Variants in LGALS8 observed in about 807,000 individuals in gnomAD.
LGALS8 encodes galectin 8, also known as galectin-8.
A neutral mutation model predicts 35.9 loss-of-function variants in LGALS8; 30 were observed. That is an observed-to-expected ratio of 0.83 (90% CI 0.62 to 1.13). The LOEUF is 1.13. Among genes scored for constraint, LGALS8 ranks in the 50% most tolerant of loss-of-function variants. LGALS8 has a pLI of 0.00. For synonymous variants in LGALS8, 138 were observed against 136.1 expected (o/e 1.01, Z -0.10); for missense variants, 366 against 388.7 (o/e 0.94, Z 0.49).
rs2243525 is a variant in LGALS8 at position 236,543,562 on chromosome 1, G to C, written c.552G>C (p.Arg184Ser). 1,194,925 of 1,610,878 alleles carry C rather than the reference G, an allele frequency of 0.74. 445,707 individuals carry two copies. The highest frequency in any genetic ancestry group is 0.78 in the Admixed American group (46,676 of 59,980). ...TCCTGACTGTGGCTTCTTTTCAGAG[G>C]CTGCCATTCGCTGCAAGGTTGAACA... ...NVPKSGTPQL[R>S]LPFAARLNTP... Residue 184 changes from arginine (R) to serine (S), a missense_variant and splice_region_variant, in exon 8 of 10, where the codon AGG (arginine) becomes AGC (serine). Transcript: ENST00000366584.
At chr1:236,530,545 A>G (rs1661088723) in intron 2 of LGALS8, among the ~76,000 whole-genome samples, 1 of 152,018 alleles carries the variant, frequency 6.6e-6, no homozygotes, top group African/African-American at 2.4e-5. Flanking sequence ...ATCCAGTTCC[A>G]ACCTTTCACC....
intron 1 of LGALS8, chr1:236,524,365 G>A (rs1445742804): frequency 2.2e-6 from 1 of 456,660 alleles, no homozygotes; most frequent in Non-Finnish European, 4.4e-6. Context: ...GTGTCTCCTC[G>A]CTGCAAACCC....
At chr1:236,519,340 ATTATTG>A (rs1304848270), upstream of LGALS8, among the ~76,000 whole-genome samples, 1 of 151,828 alleles carries the variant, frequency 6.6e-6, no homozygotes, top group African/African-American at 2.4e-5. Context: ...GCAGTGAGCC[ATTATTG>A]TACCACAACA....
At position 236,549,134 on chromosome 1, in the gene LGALS8, A is replaced by C. The variant is rs1427825742; in HGVS notation, c.*973A>C. The C allele has an allele frequency of 3.0e-5, 12 of 396,830 alleles. No individual in the cohort carries two copies. The East Asian group carries it at 4.3e-4, about 14-fold the overall frequency. The allele number at this position is 396,830 out of a possible 1,614,324, so 24.6% of individuals were successfully genotyped here. A position where few individuals can be genotyped will look rare whatever the true frequency, so the allele number is the denominator to read the frequency against. ...ACAAAGCAGGCAGAGGTAATGCAGA[A>C]ATCTGTTTTGTTCCCATGAAATCAC... is the stretch of plus-strand genomic sequence containing the variant. On this transcript the variant is annotated 3_prime_UTR_variant, in exon 10 of 10. Coordinates refer to ENST00000366584, the MANE Select transcript of LGALS8 (RefSeq NM_201544.4).
At chr1:236,528,509 C>T (rs1346800587) in intron 2 of LGALS8, among the ~76,000 whole-genome samples, 2 of 149,856 alleles carry the variant, frequency 1.3e-5, no homozygotes, top group African/African-American at 4.9e-5. Flanking sequence ...TATAAACACA[C>T]CGCCACTTTT....
intron 2 of LGALS8, among the ~76,000 whole-genome samples, chr1:236,534,996 G>A (rs950320315): frequency 4.7e-5 from 7 of 147,956 alleles, no homozygotes; most frequent in African/African-American, 1.8e-4. Flanking sequence ...GGGAGGCAGA[G>A]GTTGCAGTGA....
intron 2 of LGALS8, among the ~76,000 whole-genome samples, chr1:236,527,033 G>A (rs772052475): frequency 5.3e-5 from 8 of 152,148 alleles, no homozygotes; most frequent in Admixed American, 6.5e-5. Flanking sequence ...TTCCTGAAGC[G>A]GAAGCTTGTG....
chr1:236,534,577 C>G (rs1178164816), intron 2 of LGALS8, among the ~76,000 whole-genome samples: 1 of 151,042 alleles, frequency 6.6e-6, no homozygotes, highest in East Asian at 1.9e-4. Context: ...TTAAATGAGT[C>G]AGCGGCAGGG....
chr1:236,545,550 C>CT (rs1662311391), intron 9 of LGALS8, among the ~76,000 whole-genome samples: 1 of 152,328 alleles, frequency 6.6e-6, no homozygotes, highest in East Asian at 1.9e-4. Context: ...CACACAGTCA[C>CT]TTAGGGTCAT....
At position 236,543,773 on chromosome 1, in the gene LGALS8, T is replaced by C. The variant is rs1662179842; in HGVS notation, c.638+125T>C. On this transcript the variant is annotated intron_variant, in intron 8 of 9. Transcript: ENST00000366584. ...CAGAATCTTCATTTCCAAAGTGAGA[T>C]GATTCAAGCAGGAGGTGGTTAGATT... The C allele has an allele frequency of 8.3e-6, 6 of 719,714 alleles. 1 individual carries two copies. In the South Asian group the frequency reaches 9.3e-5, roughly 11 times the overall value. The allele number at this position is 719,714 out of a possible 1,614,324, so 44.6% of individuals were successfully genotyped here.
In LGALS8 at chr1:236,550,945, T is replaced by A; in HGVS notation, c.*2784T>A. 6.2e-7 allele frequency: 1 copy of A among 1,610,202 alleles called. No homozygotes were observed. Among genetic ancestry groups the A allele is most frequent in the East Asian group, 2.2e-5 (1 of 44,820 alleles). On this transcript the variant is annotated 3_prime_UTR_variant, in exon 10 of 10. Coordinates refer to ENST00000366584, the MANE Select transcript of LGALS8 (RefSeq NM_201544.4). ...TGGCTCTCCCAGGACAGTTTCCAGTTGCTGAATAGTCTTTTGGCACTGATG... is the reference window on the plus strand; with the variant it reads ...TGGCTCTCCCAGGACAGTTTCCAGTAGCTGAATAGTCTTTTGGCACTGATG...
At position 236,539,187 on chromosome 1, in the gene LGALS8, C is replaced by T. The variant is rs547862090; in HGVS notation, c.345+98C>T. Reference sequence around the variant, plus strand: ...TGAGCCCAGCCTTATATTTCCTACACCTGAGATATAGTTTGTTTGGCTTTG... The same window carrying T: ...TGAGCCCAGCCTTATATTTCCTACATCTGAGATATAGTTTGTTTGGCTTTG... On this transcript the variant is annotated intron_variant, in intron 4 of 9. Transcript: ENST00000366584. 2.0e-5 allele frequency: 19 copies of T among 951,008 alleles called. No individual in the cohort carries two copies. In the African/African-American group the frequency reaches 3.5e-4, roughly 18 times the overall value. The allele number at this position is 951,008 out of a possible 1,614,324, so 58.9% of individuals were successfully genotyped here.
intron 6 of LGALS8, 129 bp from the exon 7 acceptor site, chr1:236,542,630 AGG>A: frequency 1.1e-6 from 1 of 871,742 alleles, no homozygotes; most frequent in East Asian, 2.4e-5. Context: ...AGCTGCCTGG[AGG>A]TCACACCAGA....
chr1:236,528,285 G>A (rs1468601272), intron 2 of LGALS8, among the ~76,000 whole-genome samples: 2 of 151,424 alleles, frequency 1.3e-5, no homozygotes, highest in Non-Finnish European at 2.9e-5. Flanking sequence ...GGGAGGCTGA[G>A]GCAAGAGAAT....
In LGALS8 at chr1:236,548,083, C is replaced by G. The variant is rs1276056628; in HGVS notation, c.876C>G (p.His292Gln). ...VNGVHSLEYKHRFKELSSIDT... is the reference protein window; with the variant it reads ...VNGVHSLEYKQRFKELSSIDT... ...GCGTACACAGCCTGGAGTACAAACA[C>G]AGATTTAAAGAGCTCAGCAGTATTG... Residue 292 changes from histidine (H) to glutamine (Q), a missense_variant, in exon 10 of 10, where the codon CAC (histidine) becomes CAG (glutamine). Coordinates refer to ENST00000366584, the MANE Select transcript of LGALS8 (RefSeq NM_201544.4). 1 of 1,613,742 alleles carries G rather than the reference C, an allele frequency of 6.2e-7. No individual in the cohort carries two copies. Among genetic ancestry groups the G allele is most frequent in the Non-Finnish European group, 8.5e-7 (1 of 1,179,672 alleles).
rs143118762 is a variant in LGALS8 at position 236,531,824 on chromosome 1, C to T, written c.46-5673C>T. Among the ~76,000 whole-genome samples, 35 of 152,288 alleles carry T rather than the reference C, an allele frequency of 2.3e-4. No homozygotes were observed. In the East Asian group the frequency reaches 6.6e-3, roughly 29 times the overall value. Reference sequence around the variant, plus strand: ...GGTCACACCCAGTTTTGATGACTCACCAGCATAGAGTTGTACTTGTGCCTA... The same window carrying T: ...GGTCACACCCAGTTTTGATGACTCATCAGCATAGAGTTGTACTTGTGCCTA... On this transcript the variant is annotated intron_variant, in intron 2 of 9. Coordinates refer to ENST00000366584, the MANE Select transcript of LGALS8 (RefSeq NM_201544.4).
rs191159864 is a variant in LGALS8 at position 236,537,974 on chromosome 1, G to A, written c.134+389G>A. On this transcript the variant is annotated intron_variant, in intron 3 of 9. Transcript: ENST00000366584. ...TTTAAAAATTAACTGGCTTGGTGGT[G>A]TGCGCCTGTAGTTGTAGCTACTCAG... Among the ~76,000 whole-genome samples the A allele has an allele frequency of 2.7e-5, 4 of 149,866 alleles. No homozygotes were observed. In the East Asian group the frequency reaches 7.8e-4, roughly 29 times the overall value.
upstream of LGALS8, among the ~76,000 whole-genome samples, chr1:236,521,480 G>T (rs1035473268): frequency 6.6e-6 from 1 of 152,194 alleles, no homozygotes; most frequent in African/African-American, 2.4e-5. Flanking sequence ...GATTCGGGCA[G>T]ATCAGGAAGT....
At chr1:236,542,701 G>A in intron 6 of LGALS8, 60 bp from the exon 7 acceptor site, 1 of 1,578,084 alleles carries the variant, frequency 6.3e-7, no homozygotes, top group Non-Finnish European at 8.7e-7. Flanking sequence ...CAAGACTTCA[G>A]ATTATAAACT....
Sources: allele counts gnomAD v4.1 joint callset (sites outside exome capture counted in the v4.1 genomes callset), GRCh38; gene constraint gnomAD v4.1.1; transcripts MANE v1.5; gene names NCBI Gene and HGNC (gene_info 2026-07-23, HGNC 2026-07-21).